The following DYNC1I1 variants were observed in gnomAD, a reference collection of about 807,000 sequenced individuals.
DYNC1I1 encodes the protein cytoplasmic dynein 1 intermediate chain 1.
In DYNC1I1, 43 loss-of-function variants were observed where a neutral mutation model predicts 86.6. The observed-to-expected ratio is 0.50, with a 90% CI of 0.39 to 0.64. The LOEUF (loss-of-function observed/expected upper bound fraction) is 0.64, where lower values mean the gene tolerates loss of function less well. Ranked by LOEUF, DYNC1I1 falls within the 30% of genes least tolerant of loss-of-function variation. DYNC1I1 has a pLI of 0.00. For missense variants in DYNC1I1, 604 were observed against 788.8 expected (o/e 0.77, Z 2.81); for synonymous variants, 262 against 283.7 (o/e 0.92, Z 0.77).
intron 6 of DYNC1I1, among the ~76,000 whole-genome samples, chr7:95,931,508 T>TG (rs1791897202): frequency 1.9e-5 from 1 of 53,044 alleles, no homozygotes; most frequent in Non-Finnish European, 3.4e-5. Context: ...AAATTCCACT[T>TG]GACTTATTTT....
At chr7:95,959,822 A>G (rs942749654) in intron 6 of DYNC1I1, among the ~76,000 whole-genome samples, 4 of 152,206 alleles carry the variant, frequency 2.6e-5, no homozygotes, top group African/African-American at 7.2e-5. Flanking sequence ...TGAGAAGAAC[A>G]ATGCTTAACA....
chr7:95,961,606 A>G (rs1168646240), intron 6 of DYNC1I1, among the ~76,000 whole-genome samples: 1 of 152,140 alleles, frequency 6.6e-6, no homozygotes, highest in Non-Finnish European at 1.5e-5. Context: ...TCCTCCCTGT[A>G]TAGTAGGAGG....
intron 4 of DYNC1I1, among the ~76,000 whole-genome samples, chr7:95,825,297 G>A (rs1795181144): frequency 6.6e-6 from 1 of 152,186 alleles, no homozygotes; most frequent in African/African-American, 2.4e-5. Context: ...AGAAGAGCCA[G>A]ACCATCGGGG....
rs1793897840 is a variant in DYNC1I1, at chr7:95,778,295, A to G, written c.-10+5522A>G. ...ATAGTTTTAGGAAAACATACAGGCA[A>G]AAGCTGCGGATCTGGAAATTAATGC... On this transcript the variant is annotated intron_variant, in intron 1 of 16. Transcript: ENST00000447467. Among the ~76,000 whole-genome samples, 5 of 152,232 alleles carry G rather than the reference A, an allele frequency of 3.3e-5. No homozygotes were observed. The South Asian group carries it at 1.0e-3, about 32-fold the overall frequency.
At chr7:95,843,219 T>G (rs1402419494) in intron 5 of DYNC1I1, among the ~76,000 whole-genome samples, 2 of 152,250 alleles carry the variant, frequency 1.3e-5, no homozygotes, top group Non-Finnish European at 2.9e-5. Flanking sequence ...AGGTAGTTTC[T>G]TCACATAAAT....
rs74419990 is a variant in DYNC1I1 at position 95,870,026 on chromosome 7, A to G, written c.490+28A>G. On this transcript the variant is annotated intron_variant, in intron 6 of 16. Coordinates refer to ENST00000447467, the MANE Select transcript of DYNC1I1 (RefSeq NM_001135556.2). ...AAACTATGTCTTTGGCTTACTTTCC[A>G]TATTATCTCTGGAGAAATCGCTGGG... 3.2e-3 allele frequency: 4,997 copies of G among 1,581,912 alleles called. 212 individuals are homozygous for G. The East Asian group carries it at 0.099, about 31-fold the overall frequency.
intron 5 of DYNC1I1, among the ~76,000 whole-genome samples, chr7:95,867,077 C>T (rs915204693): frequency 6.6e-6 from 1 of 152,176 alleles, no homozygotes; most frequent in African/African-American, 2.4e-5. Context: ...CAAATGAACT[C>T]TCCCAAGCAG....
At chr7:96,102,028 A>G (rs753240634), downstream of DYNC1I1, among the ~76,000 whole-genome samples, 4 of 151,848 alleles carry the variant, frequency 2.6e-5, no homozygotes, top group African/African-American at 4.8e-5. Flanking sequence ...TCAACCAAGT[A>G]AGATCACTGA....
At chr7:95,975,390 A>G (rs1793277429) in intron 6 of DYNC1I1, among the ~76,000 whole-genome samples, 1 of 152,044 alleles carries the variant, frequency 6.6e-6, no homozygotes, top group East Asian at 1.9e-4. Flanking sequence ...TGTTCTCCTA[A>G]CTTCCGGTGG....
At chr7:95,908,418 G>A (rs1319661007) in intron 6 of DYNC1I1, among the ~76,000 whole-genome samples, 1 of 152,066 alleles carries the variant, frequency 6.6e-6, no homozygotes, top group African/African-American at 2.4e-5. Context: ...CACTATTGAT[G>A]AGACCATGAA....
chr7:95,840,629 T>C (rs183106113), intron 5 of DYNC1I1, among the ~76,000 whole-genome samples: 62 of 152,334 alleles, frequency 4.1e-4, no homozygotes, highest in Admixed American at 3.9e-3. Context: ...TTCTTTGTGT[T>C]AGTTTCTGCA....
At chr7:95,873,824 C>T (rs1043726181) in intron 6 of DYNC1I1, among the ~76,000 whole-genome samples, 1 of 152,210 alleles carries the variant, frequency 6.6e-6, no homozygotes, top group African/African-American at 2.4e-5. Flanking sequence ...CCTCCGTATT[C>T]TTACCTACAT....
rs138768573 is a variant in DYNC1I1 at position 95,973,333 on chromosome 7, A to G, written c.491-4179A>G. Reference sequence around the variant, plus strand: ...GTCTCTTGTGTTTTATTTCCTTTGCAAATCCACCAAAACACTTACTTTATG... The same window carrying G: ...GTCTCTTGTGTTTTATTTCCTTTGCGAATCCACCAAAACACTTACTTTATG... On this transcript the variant is annotated intron_variant, in intron 6 of 16. Transcript: ENST00000447467. Among the ~76,000 whole-genome samples the G allele has an allele frequency of 3.3e-4, 51 of 152,338 alleles. 2 individuals are homozygous for G. The East Asian group carries it at 9.4e-3, about 28-fold the overall frequency.
intron 14 of DYNC1I1, among the ~76,000 whole-genome samples, chr7:96,039,985 G>T (rs867644788): frequency 6.6e-6 from 1 of 152,124 alleles, no homozygotes; most frequent in African/African-American, 2.4e-5. Context: ...TGTAATCCCA[G>T]CACTTTGGGA....
At chr7:95,818,377 A>G (rs2618973) in intron 4 of DYNC1I1, 2 of 488,156 alleles carry the variant, frequency 4.1e-6, no homozygotes, top group South Asian at 4.2e-5. Flanking sequence ...TCTTAGCTCA[A>G]TGAAGCCTCG....
chr7:96,095,776 G>A (rs1790984858), intron 16 of DYNC1I1, among the ~76,000 whole-genome samples: 1 of 151,934 alleles, frequency 6.6e-6, no homozygotes, highest in Non-Finnish European at 1.5e-5. Context: ...GAGCTTGTTT[G>A]TATTGTACAT....
chr7:95,994,435 G>T (rs1793808202), intron 9 of DYNC1I1, among the ~76,000 whole-genome samples: 1 of 152,178 alleles, frequency 6.6e-6, no homozygotes, highest in South Asian at 2.1e-4. Context: ...GTTAAGTCAG[G>T]ATTGTCTGGA....
At position 95,821,471 on chromosome 7, in the gene DYNC1I1, A is replaced by G. The variant is rs749465118; in HGVS notation, c.315-6586A>G. On this transcript the variant is annotated intron_variant, in intron 4 of 16. Transcript: ENST00000447467. ...GTTGGAGAATGCCTGTCTTTATTGG[A>G]ATGGAAAGAGCAAGGGTACTGCCAA... Among the ~76,000 whole-genome samples the G allele has an allele frequency of 3.9e-5, 6 of 152,122 alleles. 1 individual carries two copies. The highest frequency in any genetic ancestry group is 4.1e-4 in the South Asian group (2 of 4,828).
chr7:95,997,359 C>T (rs1793891355), intron 10 of DYNC1I1, among the ~76,000 whole-genome samples: 1 of 151,994 alleles, frequency 6.6e-6, no homozygotes. Context: ...AAGAGAAGCA[C>T]ATTTTTGAAA....
Sources: gnomAD v4.1 joint callset for allele counts (sites outside exome capture counted in the v4.1 genomes callset) on GRCh38, gnomAD v4.1.1 for gene constraint, MANE v1.5 for transcripts, NCBI Gene and HGNC (gene_info 2026-07-23, HGNC 2026-07-21) for gene names.